Variants in SUGCT observed in about 807,000 individuals in gnomAD.
The protein encoded by SUGCT is succinyl-CoA:glutarate CoA-transferase.
Under a neutral mutation model 55.0 loss-of-function variants are expected in SUGCT, and 41 were observed. That is an observed-to-expected ratio of 0.74 (90% CI 0.58 to 0.97). SUGCT has a LOEUF of 0.97. SUGCT is among the 50% of genes least tolerant of loss of function. The probability of loss-of-function intolerance (pLI) is 0.00; values close to 1 mark genes in which losing one functional copy is unlikely to be tolerated. For missense variants in SUGCT, 568 were observed against 547.8 expected (o/e 1.04, Z -0.37); for synonymous variants, 187 against 200.4 (o/e 0.93, Z 0.56).
chr7:40,507,227 C>G (rs1792658884), intron 12 of SUGCT, among the ~76,000 whole-genome samples: 1 of 152,098 alleles, frequency 6.6e-6, no homozygotes, highest in African/African-American at 2.4e-5. Context: ...TTAACTTTGC[C>G]CAACCAGTTC....
At chr7:40,931,660 C>T in the SUGCT span, among the ~76,000 whole-genome samples, 54 of 152,098 alleles carry the variant, frequency 3.6e-4, no homozygotes, top group East Asian at 5.8e-3. Context: ...GGAGGGTGTA[C>T]ATGTCCAGGA....
chr7:40,776,226 A>G (rs530760153), intron 13 of SUGCT, among the ~76,000 whole-genome samples: 3 of 152,286 alleles, frequency 2.0e-5, no homozygotes, highest in Non-Finnish European at 2.9e-5. Flanking sequence ...GGGCCTTTGA[A>G]TTAGTTTTCT....
intron 9 of SUGCT, among the ~76,000 whole-genome samples, chr7:40,378,996 G>A (rs1402751880): frequency 2.0e-5 from 3 of 152,102 alleles, no homozygotes; most frequent in Non-Finnish European, 4.4e-5. Context: ...AAGTTAGCCT[G>A]GATTATCTTG....
intron 12 of SUGCT, among the ~76,000 whole-genome samples, chr7:40,542,775 C>T (rs1224672583): frequency 6.6e-6 from 1 of 152,170 alleles, no homozygotes; most frequent in East Asian, 1.9e-4. Context: ...CTTTCGACTG[C>T]AAAGACTGAG....
chr7:40,584,781 C>T (rs1343159607), intron 12 of SUGCT, among the ~76,000 whole-genome samples: 2 of 152,230 alleles, frequency 1.3e-5, no homozygotes, highest in Middle Eastern at 3.4e-3. Context: ...TCCACTGTGG[C>T]GAACTATTTA....
At chr7:40,879,784 T>G in the SUGCT span, among the ~76,000 whole-genome samples, 2 of 152,256 alleles carry the variant, frequency 1.3e-5, no homozygotes, top group Admixed American at 6.5e-5. Flanking sequence ...TGGGCAGTGC[T>G]TTGGCCTCTC....
intron 6 of SUGCT, among the ~76,000 whole-genome samples, chr7:40,203,898 A>G (rs1455728086): frequency 6.6e-6 from 1 of 152,162 alleles, no homozygotes; most frequent in East Asian, 1.9e-4. Context: ...TGTATATATA[A>G]TTTAAAAATA....
chr7:40,894,056 G>A, the SUGCT span, among the ~76,000 whole-genome samples: 299 of 134,570 alleles, frequency 2.2e-3, 1 homozygote, highest in Admixed American at 2.1e-3. Flanking sequence ...TCTGTCTTAA[G>A]AAGAAAAAAA....
intron 12 of SUGCT, among the ~76,000 whole-genome samples, chr7:40,553,173 C>G (rs2151644106): frequency 6.6e-6 from 1 of 152,250 alleles, no homozygotes; most frequent in East Asian, 1.9e-4. Context: ...TCTGAGTTTA[C>G]TTTTGTCATG....
At chr7:40,466,167 G>A (rs998120451) in intron 11 of SUGCT, among the ~76,000 whole-genome samples, 3 of 152,054 alleles carry the variant, frequency 2.0e-5, no homozygotes, top group South Asian at 2.1e-4. Flanking sequence ...CCAACCTCCC[G>A]AAATGCTGGG....
At chr7:40,192,822 G>A (rs1419995047) in intron 5 of SUGCT, among the ~76,000 whole-genome samples, 5 of 150,374 alleles carry the variant, frequency 3.3e-5, no homozygotes, top group African/African-American at 2.4e-5. Flanking sequence ...TAGTAGAGAC[G>A]GGGTTTCACC....
At chr7:40,703,946 T>TG (rs1368400594) in intron 12 of SUGCT, among the ~76,000 whole-genome samples, 1 of 152,208 alleles carries the variant, frequency 6.6e-6, no homozygotes, top group East Asian at 1.9e-4. Context: ...ATGCCTAGCG[T>TG]GGTCTAACTA....
intron 9 of SUGCT, among the ~76,000 whole-genome samples, chr7:40,412,020 C>T (rs1786724075): frequency 6.6e-6 from 1 of 152,212 alleles, no homozygotes; most frequent in Non-Finnish European, 1.5e-5. Context: ...CCACGCCATC[C>T]ACTTTTCCCA....
At chr7:40,371,402 G>T (rs1406395014) in intron 9 of SUGCT, among the ~76,000 whole-genome samples, 1 of 152,148 alleles carries the variant, frequency 6.6e-6, no homozygotes, top group African/African-American at 2.4e-5. Flanking sequence ...GGTGAGGGAA[G>T]AGTTGAAAAG....
At chr7:40,620,152 C>T (rs1799195137) in intron 12 of SUGCT, among the ~76,000 whole-genome samples, 2 of 152,064 alleles carry the variant, frequency 1.3e-5, no homozygotes, top group Admixed American at 1.3e-4. Context: ...CAGGGATGTA[C>T]CTTACCTGAC....
At chr7:40,255,660 C>CAAAAAA (rs70996898) in intron 7 of SUGCT, among the ~76,000 whole-genome samples, 20 of 54,194 alleles carry the variant, frequency 3.7e-4, no homozygotes, top group African/African-American at 5.1e-4. Context: ...GACTCTGTAT[C>CAAAAAA]AAAAAAAAAA....
chr7:40,237,055 A>T (rs1422336316), intron 6 of SUGCT, among the ~76,000 whole-genome samples: 1 of 150,414 alleles, frequency 6.6e-6, no homozygotes, highest in South Asian at 2.1e-4. Flanking sequence ...CTTGTCTTGA[A>T]CTCGTGACCT....
chr7:40,462,078 C>T (rs148289193), intron 11 of SUGCT, among the ~76,000 whole-genome samples: 206 of 152,210 alleles, frequency 1.4e-3, no homozygotes, highest in African/African-American at 4.5e-3. Context: ...GAGAAGTGAA[C>T]GAAACAGACA....
chr7:40,454,461 A>T (rs1292821070), intron 10 of SUGCT, among the ~76,000 whole-genome samples: 1 of 152,184 alleles, frequency 6.6e-6, no homozygotes, highest in Non-Finnish European at 1.5e-5. Flanking sequence ...ACACAAACCT[A>T]GATGGTATAG....
Sources: gnomAD v4.1 joint callset for allele counts (sites outside exome capture counted in the v4.1 genomes callset) on GRCh38, gnomAD v4.1.1 for gene constraint, MANE v1.5 for transcripts, NCBI Gene and HGNC (gene_info 2026-07-23, HGNC 2026-07-21) for gene names.